The following IQCM variants were observed in gnomAD, a reference collection of about 807,000 sequenced individuals.
IQCM encodes the protein IQ motif containing M.
IQCM carries 45 observed loss-of-function variants against 57.6 expected under a neutral mutation model. The ratio of observed to expected loss-of-function variants is 0.78; its 90% CI spans 0.62 to 1.00. IQCM has a LOEUF of 1.00. Among genes scored for constraint, IQCM ranks in the 50% least tolerant of loss-of-function variants. The probability of loss-of-function intolerance (pLI) is 0.00; values close to 1 mark genes in which losing one functional copy is unlikely to be tolerated. For missense variants in IQCM, 468 were observed against 511.6 expected (o/e 0.91, Z 0.82); for synonymous variants, 148 against 158.9 (o/e 0.93, Z 0.51).
At chr4:149,705,441 T>A (rs1038702754) in intron 5 of IQCM, among the ~76,000 whole-genome samples, 2 of 151,400 alleles carry the variant, frequency 1.3e-5, no homozygotes, top group African/African-American at 2.4e-5. Context: ...TGTGGCATTA[T>A]TTTTTTAACT....
rs962760983 is a variant in IQCM, at chr4:149,500,168, T to C, written c.1228+48287A>G. ...AGTATTTGAAAGGTAAAGAATCCAA[T>C]ATAACAATAAGAAATGATTAAATGA... is the stretch of plus-strand genomic sequence containing the variant. On this transcript the variant is annotated intron_variant, in intron 12 of 13. Coordinates refer to ENST00000636793, the MANE Select transcript of IQCM (RefSeq NM_001363507.2). 9.9e-5 allele frequency among the ~76,000 whole-genome samples: 15 copies of C among 152,178 alleles called. No individual in the cohort carries two copies. The East Asian group carries it at 2.1e-3, about 21-fold the overall frequency.
chr4:149,567,536 C>T (rs1253455653), intron 9 of IQCM, among the ~76,000 whole-genome samples: 7 of 151,766 alleles, frequency 4.6e-5, no homozygotes, highest in South Asian at 2.1e-4. Flanking sequence ...TCAGTAGAGA[C>T]GGGGTTTTGC....
intron 7 of IQCM, among the ~76,000 whole-genome samples, chr4:149,643,374 G>A (rs1758369429): frequency 6.6e-6 from 1 of 152,148 alleles, no homozygotes. Context: ...CTATCACTTT[G>A]TGCTAAGTGT....
intron 2 of IQCM, among the ~76,000 whole-genome samples, chr4:149,755,843 C>G (rs954130238): frequency 1.3e-5 from 2 of 152,016 alleles, no homozygotes; most frequent in African/African-American, 4.8e-5. Flanking sequence ...AAATAAGTGC[C>G]CCTTGTAAGC....
At chr4:149,724,484 G>GACAC (rs1282563975) in intron 5 of IQCM, among the ~76,000 whole-genome samples, 3 of 151,636 alleles carry the variant, frequency 2.0e-5, no homozygotes, top group African/African-American at 7.3e-5. Flanking sequence ...CTCTCTCTCT[G>GACAC]ACACACATAC....
intron 5 of IQCM, among the ~76,000 whole-genome samples, chr4:149,700,637 T>C (rs1409672848): frequency 6.6e-6 from 1 of 151,900 alleles, no homozygotes; most frequent in Non-Finnish European, 1.5e-5. Flanking sequence ...AACCATAGAG[T>C]GTGATATACT....
intron 12 of IQCM, among the ~76,000 whole-genome samples, chr4:149,509,983 T>A (rs1426177054): frequency 4.6e-5 from 7 of 152,152 alleles, no homozygotes; most frequent in African/African-American, 1.7e-4. Context: ...AACTTTTACT[T>A]TTATGAAATC....
At chr4:149,440,121 C>CTTTTT (rs955416306) in intron 12 of IQCM, among the ~76,000 whole-genome samples, 1 of 88,020 alleles carries the variant, frequency 1.1e-5, no homozygotes, top group Non-Finnish European at 2.4e-5. Flanking sequence ...CATGCCCGGC[C>CTTTTT]TTTTTTTTTT....
In IQCM at chr4:149,553,143, A is replaced by C; in HGVS notation, c.1093T>G (p.Phe365Val). Residue 365 changes from phenylalanine (F) to valine (V), a missense_variant and splice_region_variant, in exon 11 of 14, where the codon TTC becomes GTC. Phe to Val is a conservative substitution (Grantham distance 50). Transcript: ENST00000636793. Reference protein sequence around the residue: ...ELEEWMDRKKFYEIMFAKRED... With the variant: ...ELEEWMDRKKVYEIMFAKRED... ...AACCAGAAGTGTCTGCATCACTTAC[A>C]TTTTTTTCGGTCCATCCACTCCTCT... 8.1e-7 allele frequency: 1 copy of C among 1,231,742 alleles called. No homozygotes were observed. Among genetic ancestry groups the C allele is most frequent in the Non-Finnish European group, 1.0e-6 (1 of 987,648 alleles). 76.3% of individuals were successfully genotyped at this position (1,231,742 alleles called of 1,614,324 possible).
intron 2 of IQCM, among the ~76,000 whole-genome samples, chr4:149,808,765 T>G (rs1398828929): frequency 6.6e-6 from 1 of 152,176 alleles, no homozygotes; most frequent in Non-Finnish European, 1.5e-5. Context: ...TGCTTATTTT[T>G]AAGTTGATAA....
At chr4:149,799,871 A>AC (rs1459798730) in intron 2 of IQCM, among the ~76,000 whole-genome samples, 1 of 151,394 alleles carries the variant, frequency 6.6e-6, no homozygotes, top group Non-Finnish European at 1.5e-5. Flanking sequence ...AAACAAAAAA[A>AC]CAAAAAAAAA....
At chr4:149,728,637 T>C (rs1766180177) in intron 5 of IQCM, among the ~76,000 whole-genome samples, 1 of 152,226 alleles carries the variant, frequency 6.6e-6, no homozygotes. Flanking sequence ...ATGTGCATTT[T>C]ATGTGCATCA....
At chr4:149,626,076 G>A (rs1756768843) in intron 7 of IQCM, among the ~76,000 whole-genome samples, 1 of 152,106 alleles carries the variant, frequency 6.6e-6, no homozygotes, top group South Asian at 2.1e-4. Context: ...TGTCTGTGAG[G>A]GTGTTGCCAA....
At chr4:149,430,123 T>C in intron 13 of IQCM, 1 of 739,360 alleles carries the variant, frequency 1.4e-6, no homozygotes, top group Non-Finnish European at 1.9e-6. Context: ...ATTTTCCTTC[T>C]TTTTTGTTCT....
chr4:149,374,626 A>G, intron 13 of IQCM, among the ~76,000 whole-genome samples: 1 of 152,132 alleles, frequency 6.6e-6, no homozygotes, highest in Non-Finnish European at 1.5e-5. Context: ...TCAAATTTTT[A>G]TTTGTTGTAA....
In IQCM at chr4:149,541,269, A is replaced by G. The variant is rs529220130; in HGVS notation, c.1228+7186T>C. 5.9e-5 allele frequency among the ~76,000 whole-genome samples: 9 copies of G among 152,258 alleles called. No homozygotes were observed. The South Asian group carries it at 1.9e-3, about 32-fold the overall frequency. The stretch of plus-strand genomic sequence containing the variant: ...CTAGTCAGAAAACCTAAAATGATTC[A>G]TGTAATATCTCAGGTTATAATTTGT... On this transcript the variant is annotated intron_variant, in intron 12 of 13. Coordinates refer to ENST00000636793, the MANE Select transcript of IQCM (RefSeq NM_001363507.2).
At chr4:149,382,861 G>T (rs941099203) in intron 13 of IQCM, among the ~76,000 whole-genome samples, 2 of 151,880 alleles carry the variant, frequency 1.3e-5, no homozygotes, top group African/African-American at 4.8e-5. Flanking sequence ...ACATCAGTTA[G>T]AATAATGACA....
At chr4:149,558,276 G>T (rs901831453) in intron 10 of IQCM, among the ~76,000 whole-genome samples, 1 of 152,108 alleles carries the variant, frequency 6.6e-6, no homozygotes, top group Non-Finnish European at 1.5e-5. Context: ...TATGGGTGGT[G>T]GCAGGTTTCA....
chr4:149,686,130 G>C (rs1579994491), intron 6 of IQCM, among the ~76,000 whole-genome samples: 1 of 151,522 alleles, frequency 6.6e-6, no homozygotes, highest in East Asian at 1.9e-4. Context: ...TTGGATTCAA[G>C]CTTATGCACT....
Sources: allele counts gnomAD v4.1 joint callset (sites outside exome capture counted in the v4.1 genomes callset), GRCh38; gene constraint gnomAD v4.1.1; transcripts MANE v1.5; gene names NCBI Gene and HGNC (gene_info 2026-07-23, HGNC 2026-07-21).